RALGPS2: variants seen among roughly 807,000 people sequenced by gnomAD.
RALGPS2 encodes the protein Ral GEF with PH domain and SH3 binding motif 2.
RALGPS2 carries 43 observed loss-of-function variants against 86.8 expected under a neutral mutation model. The observed-to-expected ratio is 0.50, with a 90% CI of 0.39 to 0.64. RALGPS2 has a LOEUF of 0.64. RALGPS2 is among the 30% of genes least tolerant of loss of function. The pLI, the probability that RALGPS2 is intolerant of heterozygous loss-of-function variation, is 0.00. For missense variants in RALGPS2, 536 were observed against 694.6 expected, an observed-to-expected ratio of 0.77 and a Z score of 2.57; for synonymous variants, 243 against 231.3, an observed-to-expected ratio of 1.05 and a Z score of -0.46.
At chr1:178,911,374 A>G (rs1263610485) in intron 19 of RALGPS2, among the ~76,000 whole-genome samples, 1 of 151,828 alleles carries the variant, frequency 6.6e-6, no homozygotes, top group Non-Finnish European at 1.5e-5. Context: ...AGCTCTTTCT[A>G]ACTTCTTGAC....
chr1:178,735,431 C>CTT lies in RALGPS2; in HGVS notation c.-84+10027_-84+10028dup, dbSNP rs565080292. ...AATGTCTATATTTTCTTTTTCTTTT[C>CTT]TTTTTTTTTTTTTTTTGATGCTGTA... is the stretch of plus-strand genomic sequence containing the variant. On this transcript the variant is annotated intron_variant, in intron 1 of 19. Coordinates refer to ENST00000367635, the MANE Select transcript of RALGPS2 (RefSeq NM_152663.5). 1.2e-3 allele frequency among the ~76,000 whole-genome samples: 158 copies of CTT among 134,404 alleles called. 1 individual carries two copies. Among genetic ancestry groups the CTT allele is most frequent in the Middle Eastern group, 3.8e-3 (1 of 260 alleles). The allele number at this position is 134,404 out of a possible 152,430, so 88.2% of individuals were successfully genotyped here. A position where few individuals can be genotyped will look rare whatever the true frequency, so the allele number is the denominator to read the frequency against.
At chr1:178,747,283 T>A in intron 1 of RALGPS2, 1 of 1,519,674 alleles carries the variant, frequency 6.6e-7, no homozygotes, top group Non-Finnish European at 9.1e-7. Context: ...ATGAAGCTGG[T>A]GATTGAGGGA....
intron 4 of RALGPS2, among the ~76,000 whole-genome samples, chr1:178,800,827 C>T (rs535173900): frequency 9.9e-5 from 15 of 151,884 alleles, no homozygotes; most frequent in South Asian, 8.3e-4. Flanking sequence ...AACTTTGAGA[C>T]GAAAGATGTT....
chr1:178,790,456 C>T (rs1335355092), intron 4 of RALGPS2, among the ~76,000 whole-genome samples: 1 of 152,176 alleles, frequency 6.6e-6, no homozygotes, highest in East Asian at 1.9e-4. Context: ...ATTCTGCCAC[C>T]AAGGTAATCA....
chr1:178,866,727 G>A (rs892489689), intron 8 of RALGPS2, among the ~76,000 whole-genome samples: 2 of 152,116 alleles, frequency 1.3e-5, no homozygotes, highest in South Asian at 4.2e-4. Context: ...GGCCACACAA[G>A]GATTAGAACC....
At position 178,852,884 on chromosome 1, in the gene RALGPS2, C is replaced by T. The variant is rs1172300997; in HGVS notation, c.607+19334C>T. 11 of 1,613,764 alleles carry T rather than the reference C, an allele frequency of 6.8e-6. No individual in the cohort carries two copies. ...AATTCAATCAATAACTTGTAATTATCTTGATTGCTAAGCATATAGATATTT... is the reference window on the plus strand; with the variant it reads ...AATTCAATCAATAACTTGTAATTATTTTGATTGCTAAGCATATAGATATTT... On this transcript the variant is annotated intron_variant, in intron 8 of 19. Transcript: ENST00000367635.
intron 1 of RALGPS2, among the ~76,000 whole-genome samples, chr1:178,752,476 T>A (rs1322559453): frequency 6.6e-6 from 1 of 152,124 alleles, no homozygotes; most frequent in East Asian, 1.9e-4. Context: ...GTAGCTTTTG[T>A]TGCCAGCACT....
intron 8 of RALGPS2, among the ~76,000 whole-genome samples, chr1:178,860,057 T>G (rs537591081): frequency 1.3e-5 from 2 of 152,200 alleles, no homozygotes; most frequent in Admixed American, 6.5e-5. Context: ...CCCAGAAAGC[T>G]TTGCCAGAAT....
intron 19 of RALGPS2, among the ~76,000 whole-genome samples, chr1:178,912,019 C>A (rs551425119): frequency 6.6e-6 from 1 of 152,164 alleles, no homozygotes; most frequent in Non-Finnish European, 1.5e-5. Context: ...ATAAGACTAG[C>A]AACCTTTGTT....
At chr1:178,887,505 A>G (rs1405264185) in intron 13 of RALGPS2, among the ~76,000 whole-genome samples, 2 of 152,204 alleles carry the variant, frequency 1.3e-5, no homozygotes, top group East Asian at 1.9e-4. Context: ...TTTTAAAAAG[A>G]AATAAAGGAG....
chr1:178,876,726 C>T (rs1355542635), intron 8 of RALGPS2, among the ~76,000 whole-genome samples: 1 of 152,134 alleles, frequency 6.6e-6, no homozygotes, highest in Non-Finnish European at 1.5e-5. Flanking sequence ...TAATACATTT[C>T]ACATGTGCAT....
chr1:178,830,808 G>T (rs1470474185), intron 7 of RALGPS2, among the ~76,000 whole-genome samples: 1 of 152,214 alleles, frequency 6.6e-6, no homozygotes, highest in Admixed American at 6.5e-5. Flanking sequence ...TGGAAAAGAG[G>T]ATGCAGTGGG....
chr1:178,763,608 A>G (rs1235989832), intron 1 of RALGPS2, among the ~76,000 whole-genome samples: 1 of 152,174 alleles, frequency 6.6e-6, no homozygotes, highest in South Asian at 2.1e-4. Context: ...TTTTGCGGCT[A>G]TGGTGAATGG....
chr1:178,828,225 A>G (rs1194409624), intron 7 of RALGPS2, among the ~76,000 whole-genome samples: 3 of 152,240 alleles, frequency 2.0e-5, no homozygotes, highest in Non-Finnish European at 4.4e-5. Flanking sequence ...TCCAAAATAC[A>G]GTCATGCATG....
intron 1 of RALGPS2, among the ~76,000 whole-genome samples, chr1:178,757,363 CT>C (rs1652007441): frequency 6.6e-6 from 1 of 152,088 alleles, no homozygotes; most frequent in Non-Finnish European, 1.5e-5. Context: ...GCATCCTTGT[CT>C]TGTTCCAGCT....
chr1:178,884,848 G>A (rs1295408003), intron 11 of RALGPS2, among the ~76,000 whole-genome samples: 2 of 152,150 alleles, frequency 1.3e-5, no homozygotes, highest in African/African-American at 2.4e-5. Context: ...TGTAAATGGA[G>A]AAAATATTTA....
intron 4 of RALGPS2, 120 bp from the exon 5 acceptor site, chr1:178,807,925 C>A (rs1572352955): frequency 1.4e-6 from 1 of 710,928 alleles, no homozygotes; most frequent in East Asian, 2.7e-5. Flanking sequence ...TATGTATGTT[C>A]CCATTAAATA....
At chr1:178,855,142 G>A (rs558234558) in intron 8 of RALGPS2, among the ~76,000 whole-genome samples, 1 of 152,166 alleles carries the variant, frequency 6.6e-6, no homozygotes, top group Admixed American at 6.5e-5. Context: ...TTTGAGAAAT[G>A]TGTTATCTAT....
intron 8 of RALGPS2, among the ~76,000 whole-genome samples, chr1:178,862,685 A>G (rs1160999122): frequency 6.6e-6 from 1 of 151,938 alleles, no homozygotes; most frequent in Non-Finnish European, 1.5e-5. Flanking sequence ...GTAGGCAGAA[A>G]GCATGAAAAT....
Sources: gnomAD v4.1 joint callset for allele counts (sites outside exome capture counted in the v4.1 genomes callset) on GRCh38, gnomAD v4.1.1 for gene constraint, MANE v1.5 for transcripts, NCBI Gene and HGNC (gene_info 2026-07-23, HGNC 2026-07-21) for gene names.